The following OR56A1 variants were observed in gnomAD, a reference collection of about 807,000 sequenced individuals.
OR56A1 encodes olfactory receptor family 56 subfamily A member 1.
For missense variants in OR56A1, 360 were observed against 380.9 expected (o/e 0.94, Z 0.46); for synonymous variants, 174 against 159.1 (o/e 1.09, Z -0.70).
In OR56A1 at chr11:6,026,150, G is replaced by T. The variant is rs530746845; in HGVS notation, c.*598C>A. 3.3e-5 allele frequency: 5 copies of T among 153,100 alleles called. No individual in the cohort carries two copies. Among genetic ancestry groups the T allele is most frequent in the South Asian group, 2.1e-4 (1 of 4,850 alleles). 9.5% of individuals were successfully genotyped at this position (153,100 alleles called of 1,614,324 possible). On this transcript the variant is annotated 3_prime_UTR_variant, in exon 2 of 2. Coordinates refer to ENST00000641900, the MANE Select transcript of OR56A1 (RefSeq NM_001388488.1). ...TAAGGTGATGAGGCTGTATAGGATAGAATAGAAAGCTGACATTGCTTTATA... is the reference window on the plus strand; with the variant it reads ...TAAGGTGATGAGGCTGTATAGGATATAATAGAAAGCTGACATTGCTTTATA...
In OR56A1 at chr11:6,021,395, A is replaced by T. The variant is rs1848394350; in HGVS notation, c.*5353T>A. ...TATTTTCAAATAGCTAGAAGAAAGA[A>T]TATTGAATATACCCAACACAAAGTA... On this transcript the variant is annotated 3_prime_UTR_variant, in exon 2 of 2. Coordinates refer to ENST00000641900, the MANE Select transcript of OR56A1 (RefSeq NM_001388488.1). The T allele has an allele frequency of 6.6e-6, 1 of 152,142 alleles. No individual in the cohort carries two copies. Among genetic ancestry groups the T allele is most frequent in the Non-Finnish European group, 1.5e-5 (1 of 67,996 alleles). The allele number at this position is 152,142 out of a possible 1,614,324, so 9.4% of individuals were successfully genotyped here.
upstream of OR56A1, among the ~76,000 whole-genome samples, chr11:6,033,501 G>T (rs571630375): frequency 1.3e-4 from 19 of 151,518 alleles, no homozygotes; most frequent in Admixed American, 5.9e-4. Flanking sequence ...CAAAGTAGTT[G>T]AGAATCTTTC....
At position 6,027,284 on chromosome 11, in the gene OR56A1, A is replaced by G; in HGVS notation, c.409T>C (p.Ser137Pro). ...VAICHPLRYP[S>P]IITNQFVAKA... ...GCCACAAATTGATTAGTGATGATGG[A>G]TGGGTACCGCAGTGGGTGGCAGATG... Residue 137 changes from serine (S) to proline (P), a missense_variant, in exon 2 of 2, where the codon TCC (serine) becomes CCC (proline). Transcript: ENST00000641900. The G allele has an allele frequency of 6.2e-7, 1 of 1,614,224 alleles. No homozygotes were observed. The highest frequency in any genetic ancestry group is 8.5e-7 in the Non-Finnish European group (1 of 1,180,036).
intron 1 of OR56A1, among the ~76,000 whole-genome samples, chr11:6,028,767 C>T (rs1295340233): frequency 6.6e-6 from 1 of 152,014 alleles, no homozygotes; most frequent in Non-Finnish European, 1.5e-5. Context: ...CCCTTACATC[C>T]AAAAGTCCTA....
upstream of OR56A1, among the ~76,000 whole-genome samples, chr11:6,031,753 G>A (rs565177686): frequency 3.9e-5 from 6 of 152,124 alleles, no homozygotes; most frequent in Admixed American, 1.3e-4. Context: ...ATTTGTTTTC[G>A]GCTGTTTCAA....
At position 6,026,915 on chromosome 11, in the gene OR56A1, C is replaced by G. The variant is rs1435401428; in HGVS notation, c.778G>C (p.Val260Leu). The change falls in exon 2 of 2, where the codon GTT (valine) becomes CTT (leucine). Residue 260 changes from valine (V) to leucine (L), a missense_variant. Coordinates refer to ENST00000641900, the MANE Select transcript of OR56A1 (RefSeq NM_001388488.1). The stretch of plus-strand genomic sequence containing the variant: ...CTGGCCACGTTTGTCAACACCACAA[C>G]CAGCAGTATGGTGCTGAAGAAAAGA... ...LILFFSTILL[V>L]VVLTNVARKK... 6.2e-7 allele frequency: 1 copy of G among 1,614,160 alleles called. No individual in the cohort carries two copies. The highest frequency in any genetic ancestry group is 8.5e-7 in the Non-Finnish European group (1 of 1,180,008).
At chr11:6,030,312 T>C (rs1564817182) in intron 1 of OR56A1, among the ~76,000 whole-genome samples, 1 of 152,160 alleles carries the variant, frequency 6.6e-6, no homozygotes, top group Non-Finnish European at 1.5e-5. Flanking sequence ...TGGCTTCTCA[T>C]TGCTAATATT....
chr11:6,020,016 T>C lies in OR56A1; in HGVS notation c.*6732A>G, dbSNP rs1402048847. The stretch of plus-strand genomic sequence containing the variant: ...ATTCTATTATAAGCATCCTGGTAAA[T>C]GTAAGAGCTCTAGTGACTTTTTCAG... On this transcript the variant is annotated 3_prime_UTR_variant, in exon 2 of 2. Transcript: ENST00000641900. The C allele has an allele frequency of 6.6e-6, 1 of 152,080 alleles. No homozygotes were observed. Among genetic ancestry groups the C allele is most frequent in the Non-Finnish European group, 1.5e-5 (1 of 67,974 alleles). 9.4% of individuals were successfully genotyped at this position (152,080 alleles called of 1,614,324 possible).
In OR56A1 at chr11:6,026,853, G is replaced by T. The variant is rs369193152; in HGVS notation, c.840C>A (p.Asn280Lys). ...KVPMDILILLNVLHHLIPPAL... is the reference protein window; with the variant it reads ...KVPMDILILLKVLHHLIPPAL... Reference sequence around the variant, plus strand: ...CAGGAGGAATAAGGTGATGAAGGACGTTCAGCAGGATCAGGATGTCCATGG... The same window carrying T: ...CAGGAGGAATAAGGTGATGAAGGACTTTCAGCAGGATCAGGATGTCCATGG... Residue 280 changes from asparagine (N) to lysine (K), a missense_variant, in exon 2 of 2, where the codon AAC becomes AAA. Coordinates refer to ENST00000641900, the MANE Select transcript of OR56A1 (RefSeq NM_001388488.1). 6.2e-7 allele frequency: 1 copy of T among 1,614,034 alleles called. No homozygotes were observed.
In OR56A1 at chr11:6,027,551, G is replaced by T; in HGVS notation, c.142C>A (p.Leu48Ile). Residue 48 changes from leucine (L) to isoleucine (I), a missense_variant, in exon 2 of 2, where the codon CTC (leucine) becomes ATC (isoleucine). By Grantham distance (5) the Leu-to-Ile change is conservative. Coordinates refer to ENST00000641900, the MANE Select transcript of OR56A1 (RefSeq NM_001388488.1). ...FLLAMGANTTLLITIQLEASL... is the reference protein window; with the variant it reads ...FLLAMGANTTILITIQLEASL... Reference sequence around the variant, plus strand: ...GCCTCCAGCTGGATGGTGATCAGGAGGGTGGTGTTAGCTCCCATGGCCAGG... The same window carrying T: ...GCCTCCAGCTGGATGGTGATCAGGATGGTGGTGTTAGCTCCCATGGCCAGG... 2 of 1,614,034 alleles carry T rather than the reference G, an allele frequency of 1.2e-6. No homozygotes were observed. Among genetic ancestry groups the T allele is most frequent in the Non-Finnish European group, 1.7e-6 (2 of 1,180,014 alleles).
rs1444361355 is a variant in OR56A1 at position 6,020,474 on chromosome 11, T to C, written c.*6274A>G. 1 of 152,158 alleles carries C rather than the reference T, an allele frequency of 6.6e-6. No homozygotes were observed. The highest frequency in any genetic ancestry group is 1.5e-5 in the Non-Finnish European group (1 of 67,992). The allele number at this position is 152,158 out of a possible 1,614,324, so 9.4% of individuals were successfully genotyped here. A position where few individuals can be genotyped will look rare whatever the true frequency, so the allele number is the denominator to read the frequency against. On this transcript the variant is annotated 3_prime_UTR_variant, in exon 2 of 2. Transcript: ENST00000641900. Reference sequence around the variant, plus strand: ...TGTCTGTCCATTAGTTTGTATCTCCTCTGATTTCTTTGAGCAGTGTTTGGT... The same window carrying C: ...TGTCTGTCCATTAGTTTGTATCTCCCCTGATTTCTTTGAGCAGTGTTTGGT...
Position 6,026,922 on chromosome 11 carries a change from T to C in OR56A1, c.771A>G (p.Ile257Met), listed in dbSNP as rs147330806. Residue 257 changes from isoleucine (I) to methionine (M), a missense_variant, in exon 2 of 2, where the codon ATA becomes ATG. Ile to Met is a conservative substitution (Grantham distance 10). Transcript: ENST00000641900. ...HFILILFFST[I>M]LLVVVLTNVA... ...CGTTTGTCAACACCACAACCAGCAG[T>C]ATGGTGCTGAAGAAAAGAATGAGGA... is the stretch of plus-strand genomic sequence containing the variant. 1.2e-3 allele frequency: 1,906 copies of C among 1,614,138 alleles called. 3 individuals are homozygous for C. The highest frequency in any genetic ancestry group is 1.5e-3 in the Non-Finnish European group (1,764 of 1,180,024).
chr11:6,027,205 G>A lies in OR56A1; in HGVS notation c.488C>T (p.Pro163Leu), dbSNP rs1337295124. Reference sequence around the variant, plus strand: ...GTAATGGAGCAGGGAAGTGAGGATAGGAATGGGTGCAGTAAGAAGCGCATT... The same window carrying A: ...GTAATGGAGCAGGGAAGTGAGGATAAGAATGGGTGCAGTAAGAAGCGCATT... ...VRNALLTAPI[P>L]ILTSLLHYCG... The change falls in exon 2 of 2, where the codon CCT becomes CTT. Residue 163 changes from proline (P) to leucine (L), a missense_variant. Physicochemically the swap from Pro to Leu is moderately conservative, Grantham distance 98. Coordinates refer to ENST00000641900, the MANE Select transcript of OR56A1 (RefSeq NM_001388488.1). 3 of 1,614,118 alleles carry A rather than the reference G, an allele frequency of 1.9e-6. No individual in the cohort carries two copies. Among genetic ancestry groups the A allele is most frequent in the Admixed American group, 1.7e-5 (1 of 60,014 alleles).
chr11:6,026,967 G>C lies in OR56A1; in HGVS notation c.726C>G (p.Ser242Arg), dbSNP rs376891340. 1 of 1,614,090 alleles carries C rather than the reference G, an allele frequency of 6.2e-7. No homozygotes were observed. Among genetic ancestry groups the C allele is most frequent in the Non-Finnish European group, 8.5e-7 (1 of 1,179,936 alleles). The change falls in exon 2 of 2, where the codon AGC (serine) becomes AGG (arginine). Residue 242 changes from serine (S) to arginine (R), a missense_variant. Coordinates refer to ENST00000641900, the MANE Select transcript of OR56A1 (RefSeq NM_001388488.1). ...KAEGAAVKALSTCGSHFILIL... is the reference protein window; with the variant it reads ...KAEGAAVKALRTCGSHFILIL... ...TGAGGATGAAGTGGGAGCCACATGT[G>C]CTCAGGGCCTTCACTGCCGCCCCCT...
rs982255616 is a variant in OR56A1, at chr11:6,020,507, A to T, written c.*6241T>A. The T allele has an allele frequency of 6.6e-6, 1 of 151,954 alleles. No homozygotes were observed. Among genetic ancestry groups the T allele is most frequent in the Non-Finnish European group, 1.5e-5 (1 of 67,934 alleles). 9.4% of individuals were successfully genotyped at this position (151,954 alleles called of 1,614,324 possible). A position where few individuals can be genotyped will look rare whatever the true frequency, so the allele number is the denominator to read the frequency against. Reference sequence around the variant, plus strand: ...CTTTGAGCAGTGTTTGGTAATTCTCACTGTAGAGATCTTTCACCTCCCTGA... The same window carrying T: ...CTTTGAGCAGTGTTTGGTAATTCTCTCTGTAGAGATCTTTCACCTCCCTGA... On this transcript the variant is annotated 3_prime_UTR_variant, in exon 2 of 2. Transcript: ENST00000641900.
chr11:6,029,380 T>G (rs562834786), intron 1 of OR56A1, among the ~76,000 whole-genome samples: 27 of 152,288 alleles, frequency 1.8e-4, no homozygotes, highest in Middle Eastern at 3.4e-3. Context: ...CTTCAAGAAT[T>G]GATCCCATCT....
Position 6,026,865 on chromosome 11 carries a change from C to G in OR56A1, c.828G>C (p.Leu276=). ...GGTGATGAAGGACGTTCAGCAGGAT[C>G]AGGATGTCCATGGGGACCTTCTTTC... ...VARKKVPMDI[L]ILLNVLHHLI... The change falls in exon 2 of 2, where the codon CTG becomes CTC. Residue 276 remains leucine (L), a synonymous_variant. Coordinates refer to ENST00000641900, the MANE Select transcript of OR56A1 (RefSeq NM_001388488.1). The G allele has an allele frequency of 6.2e-7, 1 of 1,614,158 alleles. No homozygotes were observed. Among genetic ancestry groups the G allele is most frequent in the Non-Finnish European group, 8.5e-7 (1 of 1,179,964 alleles).
rs138937124 is a variant in OR56A1, at chr11:6,027,603, G to C, written c.90C>G (p.Leu30=). Residue 30 remains leucine (L), a synonymous_variant, in exon 2 of 2, where the codon CTC becomes CTG. Transcript: ENST00000641900. ...FPNFQSWQHW[L]SLPLSLLFLL... ...GGAAGAGAAGGCTGAGGGGCAGGGA[G>C]AGCCAGTGCTGCCAACTCTGGAAGT... 1.1e-4 allele frequency: 172 copies of C among 1,613,640 alleles called. No homozygotes were observed. The African/African-American group carries it at 1.7e-3, about 16-fold the overall frequency.
chr11:6,032,174 A>G (rs139005676), upstream of OR56A1, among the ~76,000 whole-genome samples: 1 of 152,272 alleles, frequency 6.6e-6, no homozygotes, highest in African/African-American at 2.4e-5. Context: ...GAGGAAGTGT[A>G]GATGGGGAAA....
Sources: allele counts gnomAD v4.1 joint callset (sites outside exome capture counted in the v4.1 genomes callset), GRCh38; gene constraint gnomAD v4.1.1; transcripts MANE v1.5; gene names NCBI Gene and HGNC (gene_info 2026-07-23, HGNC 2026-07-21).